LIPC: variants seen among roughly 807,000 people sequenced by gnomAD.
LIPC encodes the protein lipase C, hepatic type.
LIPC carries 44 observed loss-of-function variants against 50.7 expected under a neutral mutation model. The ratio of observed to expected loss-of-function variants is 0.87; its 90% confidence interval spans 0.68 to 1.11. The LOEUF is 1.11. LIPC is among the 50% of genes most tolerant of loss of function. The pLI, the probability that LIPC is intolerant of heterozygous loss-of-function variation, is 0.00. For missense variants in LIPC, 697 were observed against 648.2 expected (o/e 1.08, Z -0.82); for synonymous variants, 271 against 256.4 (o/e 1.06, Z -0.54).
chr15:58,568,586 A>T, intron 8 of LIPC, 130 bp from the exon 9 acceptor site: 1 of 674,632 alleles, frequency 1.5e-6, no homozygotes, highest in African/African-American at 1.8e-5. Context: ...ATTTGCGAAC[A>T]TAAGAATCTA....
chr15:58,512,454 T>C (rs1378505065), intron 1 of LIPC, among the ~76,000 whole-genome samples: 4 of 152,148 alleles, frequency 2.6e-5, no homozygotes, highest in African/African-American at 9.7e-5. Flanking sequence ...AGACAGAAAG[T>C]CCACGCAAAT....
intron 6 of LIPC, among the ~76,000 whole-genome samples, 191 bp from the exon 7 acceptor site, chr15:58,560,660 GTCCTGAATAGACA>G (rs1187553646): frequency 6.0e-4 from 1 of 1,654 alleles, no homozygotes; most frequent in Non-Finnish European, 2.4e-3. Flanking sequence ...CACAATATAA[GTCCTGAATAGACA>G]TTTAGGAAAT....
At chr15:58,566,047 C>T in intron 8 of LIPC, 1 of 982,500 alleles carries the variant, frequency 1.0e-6, no homozygotes. Context: ...CACGAGCATA[C>T]AAAGCATCTG....
At chr15:58,536,573 C>T (rs1893130435) in intron 1 of LIPC, among the ~76,000 whole-genome samples, 1 of 152,108 alleles carries the variant, frequency 6.6e-6, no homozygotes, top group Non-Finnish European at 1.5e-5. Flanking sequence ...GCTGGCATAG[C>T]AGTGCAAGGT....
chr15:58,490,180 C>T (rs1891536365), intron 1 of LIPC, among the ~76,000 whole-genome samples: 1 of 152,130 alleles, frequency 6.6e-6, no homozygotes, highest in South Asian at 2.1e-4. Flanking sequence ...ACATGAGTGA[C>T]AGGGTTAGGA....
rs927350688 is a variant in LIPC, at chr15:58,548,549, C to A, written c.1028C>A (p.Thr343Lys). The change falls in exon 6 of 9, where the codon ACG becomes AAG. Residue 343 changes from threonine to lysine, a missense_variant. Coordinates refer to ENST00000299022, the MANE Select transcript of LIPC (RefSeq NM_000236.3). ...RSKSKRLFLVTRAQSPFKVYH... is the reference protein window; with the variant it reads ...RSKSKRLFLVKRAQSPFKVYH... ...AAGAGCAAGAGGCTCTTCCTCGTAA[C>A]GCGAGCCCAGTCCCCCTTCAAAGGT... is the stretch of plus-strand genomic sequence containing the variant. 1 of 1,593,058 alleles carries A rather than the reference C, an allele frequency of 6.3e-7. No homozygotes were observed. The highest frequency in any genetic ancestry group is 2.3e-5 in the East Asian group (1 of 44,328).
intron 1 of LIPC, among the ~76,000 whole-genome samples, chr15:58,499,337 C>T (rs1298602831): frequency 6.6e-6 from 1 of 152,184 alleles, no homozygotes; most frequent in Non-Finnish European, 1.5e-5. Context: ...AACAGACTCA[C>T]ACATAGTGGG....
intron 1 of LIPC, chr15:58,533,305 T>C (rs1167264016): frequency 3.4e-6 from 1 of 294,284 alleles, no homozygotes; most frequent in African/African-American, 2.3e-5. Context: ...TTTAAATGAG[T>C]CAATACAAAT....
At chr15:58,553,908 C>T (rs961716591) in intron 6 of LIPC, among the ~76,000 whole-genome samples, 1 of 151,892 alleles carries the variant, frequency 6.6e-6, no homozygotes, top group Non-Finnish European at 1.5e-5. Context: ...AGAGGCATTT[C>T]GGGTCTAGGA....
chr15:58,542,022 G>A (rs1893349420), intron 3 of LIPC, 55 bp downstream of exon 3: 1 of 1,541,152 alleles, frequency 6.5e-7, no homozygotes, highest in Non-Finnish European at 8.8e-7. Flanking sequence ...CCCTTCCTCT[G>A]AGAGTGAATG....
chr15:58,557,910 C>T (rs1471107215), intron 6 of LIPC, among the ~76,000 whole-genome samples: 1 of 152,110 alleles, frequency 6.6e-6, no homozygotes, highest in East Asian at 1.9e-4. Flanking sequence ...CTCAGTTTGA[C>T]TTACAAGACT....
Position 58,432,136 on chromosome 15 carries a change from T to C in LIPC, c.88+16T>C. The C allele has an allele frequency of 6.4e-7, 1 of 1,568,396 alleles. No homozygotes were observed. Among genetic ancestry groups the C allele is most frequent in the Non-Finnish European group, 8.8e-7 (1 of 1,138,340 alleles). On this transcript the variant is annotated intron_variant, in intron 1 of 8. Transcript: ENST00000299022. Reference sequence around the variant, plus strand: ...CTGAAACCAGGTAAGAGCCTGACTTTTCTCCAGAGATGGGCATGAACTTTT... The same window carrying C: ...CTGAAACCAGGTAAGAGCCTGACTTCTCTCCAGAGATGGGCATGAACTTTT...
At chr15:58,568,258 C>T (rs1433050043) in intron 8 of LIPC, among the ~76,000 whole-genome samples, 3 of 152,150 alleles carry the variant, frequency 2.0e-5, no homozygotes, top group Non-Finnish European at 4.4e-5. Flanking sequence ...TGACACTGGC[C>T]TCATGCCAAG....
intron 1 of LIPC, among the ~76,000 whole-genome samples, chr15:58,495,863 A>C (rs1429210890): frequency 6.6e-6 from 1 of 152,234 alleles, no homozygotes; most frequent in Non-Finnish European, 1.5e-5. Context: ...TGTTAAGCGT[A>C]GGGTCAAGCA....
At position 58,538,387 on chromosome 15, in the gene LIPC, T is replaced by C; in HGVS notation, c.143T>C (p.Met48Thr). The C allele has an allele frequency of 3.7e-6, 6 of 1,614,118 alleles. No individual in the cohort carries two copies. The highest frequency in any genetic ancestry group is 4.2e-6 in the Non-Finnish European group (5 of 1,179,968). The change falls in exon 2 of 9, where the codon ATG becomes ACG. Residue 48 changes from methionine (M) to threonine (T), a missense_variant. Met to Thr is a moderately conservative substitution (Grantham distance 81). Coordinates refer to ENST00000299022, the MANE Select transcript of LIPC (RefSeq NM_000236.3). The part of the protein sequence containing the change: ...AVETNKTLHE[M>T]KTRFLLFGET... ...GAAACAAACAAAACGCTGCATGAGA[T>C]GAAGACCAGATTCCTGCTCTTTGGA...
At chr15:58,470,016 T>C (rs1894732629) in intron 1 of LIPC, among the ~76,000 whole-genome samples, 1 of 151,708 alleles carries the variant, frequency 6.6e-6, no homozygotes, top group South Asian at 2.1e-4. Flanking sequence ...CACTGCAGTC[T>C]TGACCTCCCA....
chr15:58,565,252 T>C lies in LIPC; in HGVS notation c.1388+1529T>C. The stretch of plus-strand genomic sequence containing the variant: ...CTGCACTGAGCTCTTCTCACATGAC[T>C]CTTTGGCCCATTGGAGCAGCGCTGC... On this transcript the variant is annotated intron_variant, in intron 8 of 8. Transcript: ENST00000299022. The C allele has an allele frequency of 3.3e-6, 5 of 1,535,690 alleles. No homozygotes were observed. In the Admixed American group the frequency reaches 9.8e-5, roughly 30 times the overall value.
intron 1 of LIPC, among the ~76,000 whole-genome samples, chr15:58,497,315 A>G (rs576241270): frequency 6.6e-6 from 1 of 152,130 alleles, no homozygotes; most frequent in African/African-American, 2.4e-5. Flanking sequence ...GTGGTGGGAC[A>G]ATCTGTCAGC....
chr15:58,529,064 C>T (rs1423744738), intron 1 of LIPC, among the ~76,000 whole-genome samples: 2 of 152,066 alleles, frequency 1.3e-5, no homozygotes, highest in African/African-American at 4.8e-5. Flanking sequence ...TTGTAAGCTT[C>T]ACTTGGCAAT....
Sources: allele counts gnomAD v4.1 joint callset (sites outside exome capture counted in the v4.1 genomes callset), GRCh38; gene constraint gnomAD v4.1.1; transcripts MANE v1.5; gene names NCBI Gene and HGNC (gene_info 2026-07-23, HGNC 2026-07-21).